Variants in HAVCR1 observed in about 807,000 individuals in gnomAD.
The protein encoded by HAVCR1 is hepatitis A virus cellular receptor 1, also known as T cell immunoglobin domain and mucin domain protein 1.
HAVCR1 carries 34 observed loss-of-function variants against 32.0 expected under a neutral mutation model. That is an observed-to-expected ratio of 1.06 (90% CI 0.81 to 1.42). The LOEUF is 1.42. Ranked by LOEUF, HAVCR1 falls within the 40% of genes most tolerant of loss-of-function variation. The pLI, the probability that HAVCR1 is intolerant of heterozygous loss-of-function variation, is 0.00. For missense variants in HAVCR1, 420 were observed against 442.3 expected (o/e 0.95, Z 0.45); for synonymous variants, 178 against 170.3 (o/e 1.05, Z -0.35).
rs530567216 is a variant in HAVCR1, at chr5:157,050,525, T to C, written c.674-1380A>G. ...TAATGTTCAACTCATGCAAACTCTT[T>C]AGAGAACTATCCAGATAAGAATAAC... On this transcript the variant is annotated intron_variant, in intron 4 of 8. Coordinates refer to ENST00000523175, the MANE Select transcript of HAVCR1 (RefSeq NM_001173393.3). Among the ~76,000 whole-genome samples, 4 of 152,278 alleles carry C rather than the reference T, an allele frequency of 2.6e-5. No individual in the cohort carries two copies. The South Asian group carries it at 6.2e-4, about 24-fold the overall frequency.
At chr5:157,044,467 GA>G (rs1204485975) in intron 5 of HAVCR1, among the ~76,000 whole-genome samples, 4 of 70,954 alleles carry the variant, frequency 5.6e-5, no homozygotes, top group South Asian at 5.4e-4. Context: ...AAGAAAGAAA[GA>G]AAGGAAGGAA....
At chr5:157,065,205 G>A in the HAVCR1 span, among the ~76,000 whole-genome samples, 3 of 152,286 alleles carry the variant, frequency 2.0e-5, no homozygotes, top group East Asian at 5.8e-4. Flanking sequence ...TGTAGTCCCA[G>A]CTACTCGGGA....
intron 6 of HAVCR1, among the ~76,000 whole-genome samples, chr5:157,041,960 G>A (rs752711433): frequency 7.2e-5 from 11 of 152,098 alleles, no homozygotes; most frequent in African/African-American, 2.2e-4. Context: ...TCTGGAGGCC[G>A]AGGCAGGAGA....
In HAVCR1 at chr5:157,029,728, G is replaced by A. The variant is rs780853400; in HGVS notation, c.*5C>T. 3 of 1,612,868 alleles carry A rather than the reference G, an allele frequency of 1.9e-6. No individual in the cohort carries two copies. Among genetic ancestry groups the A allele is most frequent in the Non-Finnish European group, 2.5e-6 (3 of 1,179,838 alleles). On this transcript the variant is annotated 3_prime_UTR_variant, in exon 9 of 9. Coordinates refer to ENST00000523175, the MANE Select transcript of HAVCR1 (RefSeq NM_001173393.3). ...GCGTAAACTCTCAAAGAGCACCACT[G>A]GGTCTTAGTCCGTGGCATAAAGACT...
rs1249859021 is a variant in HAVCR1 at position 157,044,411 on chromosome 5, AGGAAGGAAGG to A, written c.782-1739_782-1730del. 3.8e-3 allele frequency among the ~76,000 whole-genome samples: 146 copies of A among 38,392 alleles called. 3 individuals are homozygous for A. The highest frequency in any genetic ancestry group is 0.015 in the African/African-American group (118 of 7,728). The allele number at this position is 38,392 out of a possible 152,430, so 25.2% of individuals were successfully genotyped here. On this transcript the variant is annotated intron_variant, in intron 5 of 8. Transcript: ENST00000523175. ...AAGGAAGGAAGGAAGGAAGGAAGGA[AGGAAGGAAGG>A]AGAAAGAAAGAAAGAAAGAAAGAAA...
intron 5 of HAVCR1, among the ~76,000 whole-genome samples, chr5:157,044,676 A>AGAAAGAAGGAAG (rs142603344): frequency 9.1e-6 from 1 of 109,454 alleles, no homozygotes; most frequent in African/African-American, 3.1e-5. Flanking sequence ...AAAGAAAGAA[A>AGAAAGAAGGAAG]GGAGGGAGGG....
chr5:157,032,994 A>AT, intron 7 of HAVCR1, 107 bp from the exon 8 acceptor site: 1 of 717,950 alleles, frequency 1.4e-6, no homozygotes, highest in South Asian at 2.0e-5. Flanking sequence ...TATTACTTAG[A>AT]TTTTTCCCTG....
Position 157,059,088 on chromosome 5 carries a change from A to C in HAVCR1, c.-180T>G, listed in dbSNP as rs1756402497. ...AAAGGGCCACGGAAGAACTTGGAAA[A>C]CTAAACCTACATCATATGCAGTAAT... On this transcript the variant is annotated 5_prime_UTR_variant, in exon 1 of 9. Transcript: ENST00000523175. 6.6e-6 allele frequency: 1 copy of C among 152,244 alleles called. No individual in the cohort carries two copies. Among genetic ancestry groups the C allele is most frequent in the Admixed American group, 6.5e-5 (1 of 15,276 alleles). The allele number at this position is 152,244 out of a possible 1,614,324, so 9.4% of individuals were successfully genotyped here.
At chr5:157,056,251 G>A (rs1314636657) in intron 2 of HAVCR1, among the ~76,000 whole-genome samples, 1 of 151,402 alleles carries the variant, frequency 6.6e-6, no homozygotes, top group East Asian at 2.0e-4. Context: ...CATTATAGCT[G>A]GAAGGTTTTT....
chr5:157,061,442 T>A (rs1385033608), upstream of HAVCR1, among the ~76,000 whole-genome samples: 4 of 152,180 alleles, frequency 2.6e-5, no homozygotes, highest in African/African-American at 9.7e-5. Context: ...AAGCCAGGCA[T>A]GGTTGCTCAC....
chr5:157,044,611 GAAAGAGAAAGAAAGAAAGAAAGAAAGAA>G lies in HAVCR1; in HGVS notation c.782-1957_782-1930del, dbSNP rs1454252477. Among the ~76,000 whole-genome samples, 414 of 67,110 alleles carry G rather than the reference GAAAGAGAAAGAAAGAAAGAAAGAAAGAA, an allele frequency of 6.2e-3. 16 individuals carry two copies. Among genetic ancestry groups the G allele is most frequent in the Admixed American group, 0.028 (166 of 5,882 alleles). The allele number at this position is 67,110 out of a possible 152,430, so 44.0% of individuals were successfully genotyped here. On this transcript the variant is annotated intron_variant, in intron 5 of 8. Coordinates refer to ENST00000523175, the MANE Select transcript of HAVCR1 (RefSeq NM_001173393.3). ...GGAAAGAAAGAAAGAAAGAAAGAAA[GAAAGAGAAAGAAAGAAAGAAAGAAAGAA>G]AGAAAGAAAGAAAGAAAGAAAGAAA...
rs1455374461 is a variant in HAVCR1, at chr5:157,057,966, A to C, written c.-12-11T>G. On this transcript the variant is annotated splice_polypyrimidine_tract_variant and intron_variant, in intron 1 of 8. Coordinates refer to ENST00000523175, the MANE Select transcript of HAVCR1 (RefSeq NM_001173393.3). ...CATTATGGGATCAGCCTGAAGGAAA[A>C]TGAGCAGACAGGCTGGTTGGTACCC... is the stretch of plus-strand genomic sequence containing the variant. 1 of 1,604,576 alleles carries C rather than the reference A, an allele frequency of 6.2e-7. No homozygotes were observed. The highest frequency in any genetic ancestry group is 2.2e-5 in the East Asian group (1 of 44,838).
At chr5:157,046,052 G>A (rs6555821) in intron 5 of HAVCR1, among the ~76,000 whole-genome samples, 78,068 of 152,054 alleles carry the variant, frequency 0.51, 20,456 homozygotes, top group Middle Eastern at 0.66. Flanking sequence ...AGTTTGCGCT[G>A]AGGATTACAC....
chr5:157,051,495 C>A (rs934207058), intron 4 of HAVCR1, among the ~76,000 whole-genome samples: 2 of 152,156 alleles, frequency 1.3e-5, no homozygotes, highest in Non-Finnish European at 1.5e-5. Flanking sequence ...TAACAGAGAT[C>A]AAAACGTGAC....
chr5:157,031,564 C>T (rs779694632), intron 8 of HAVCR1, among the ~76,000 whole-genome samples: 16 of 152,092 alleles, frequency 1.1e-4, no homozygotes, highest in Non-Finnish European at 1.5e-4. Context: ...TCCCTCACGC[C>T]TATAATCCCA....
chr5:157,067,010 C>T, the HAVCR1 span, among the ~76,000 whole-genome samples: 114,947 of 152,102 alleles, frequency 0.76, 44,116 homozygotes, highest in East Asian at 0.99. Flanking sequence ...CACTTGAACC[C>T]GGGAGGCGGA....
intron 5 of HAVCR1, among the ~76,000 whole-genome samples, chr5:157,046,881 T>C (rs1319295674): frequency 6.6e-6 from 1 of 152,188 alleles, no homozygotes. Context: ...TCTCATGACC[T>C]AATCATGCTC....
At chr5:157,056,360 A>G (rs1229852764) in intron 2 of HAVCR1, among the ~76,000 whole-genome samples, 5 of 149,106 alleles carry the variant, frequency 3.4e-5, no homozygotes, top group East Asian at 2.0e-4. Flanking sequence ...TTTTTTAGAC[A>G]AAGTCTTTCT....
chr5:157,044,421 GAGAAAGAA>G (rs1209423817), intron 5 of HAVCR1, among the ~76,000 whole-genome samples: 23 of 33,760 alleles, frequency 6.8e-4, no homozygotes, highest in South Asian at 1.2e-3. Context: ...AGGAAGGAAG[GAGAAAGAA>G]AGAAAGAAAG....
Sources: gnomAD v4.1 joint callset for allele counts (sites outside exome capture counted in the v4.1 genomes callset) on GRCh38, gnomAD v4.1.1 for gene constraint, MANE v1.5 for transcripts, NCBI Gene and HGNC (gene_info 2026-07-23, HGNC 2026-07-21) for gene names.